TENM4: variants seen among roughly 807,000 people sequenced by gnomAD.
The protein encoded by TENM4 is teneurin transmembrane protein 4, also known as teneurin-4.
In TENM4, 82 loss-of-function variants were observed where a neutral mutation model predicts 243.3. The observed-to-expected ratio is 0.34, with a 90% CI of 0.28 to 0.40. The LOEUF (loss-of-function observed/expected upper bound fraction) is 0.40, where lower values mean the gene tolerates loss of function less well. Ranked by LOEUF, TENM4 falls within the 10% of genes least tolerant of loss-of-function variation. The pLI, the probability that TENM4 is intolerant of heterozygous loss-of-function variation, is 1.00. For synonymous variants in TENM4, 1,412 were observed against 1,456.3 expected (o/e 0.97, Z 0.69); for missense variants, 3,138 against 3,673.3 (o/e 0.85, Z 3.77).
At chr11:78,787,189 G>C in intron 15 of TENM4, 106 bp from the exon 16 acceptor site, 1 of 1,323,690 alleles carries the variant, frequency 7.6e-7, no homozygotes, top group Non-Finnish European at 1.0e-6. Flanking sequence ...TATTGAGCAA[G>C]TTATTGTTGG....
intron 30 of TENM4, among the ~76,000 whole-genome samples, chr11:78,673,999 A>G (rs1858400530): frequency 6.6e-6 from 1 of 152,214 alleles, no homozygotes; most frequent in Non-Finnish European, 1.5e-5. Context: ...GGGCACAGGA[A>G]GATACAGGGG....
chr11:79,332,001 A>G (rs1397163430), intron 1 of TENM4, among the ~76,000 whole-genome samples: 1 of 152,260 alleles, frequency 6.6e-6, no homozygotes. Flanking sequence ...TTGCATTACA[A>G]GAGGATGCTT....
chr11:78,981,592 G>T (rs775530755), intron 6 of TENM4, among the ~76,000 whole-genome samples: 1 of 152,158 alleles, frequency 6.6e-6, no homozygotes, highest in African/African-American at 2.4e-5. Flanking sequence ...TTCCCTGGAC[G>T]GGGAATCATC....
intron 2 of TENM4, among the ~76,000 whole-genome samples, chr11:79,282,255 G>A (rs1336072495): frequency 1.3e-5 from 2 of 152,296 alleles, no homozygotes; most frequent in Middle Eastern, 6.8e-3. Flanking sequence ...GGTAGCAATT[G>A]TTTGTATAGA....
At chr11:78,752,388 C>T (rs1227016706) in intron 19 of TENM4, among the ~76,000 whole-genome samples, 1 of 152,154 alleles carries the variant, frequency 6.6e-6, no homozygotes, top group Non-Finnish European at 1.5e-5. Context: ...TCCCCTCCCT[C>T]CTCTGGTCCC....
chr11:78,870,093 G>C (rs945219881), intron 9 of TENM4, among the ~76,000 whole-genome samples: 2 of 152,194 alleles, frequency 1.3e-5, no homozygotes, highest in Admixed American at 1.3e-4. Context: ...AAAGTACTTA[G>C]CCTGTCTGAA....
chr11:78,887,421 C>G (rs758322122), intron 9 of TENM4, among the ~76,000 whole-genome samples: 46 of 152,202 alleles, frequency 3.0e-4, no homozygotes, highest in Non-Finnish European at 1.3e-4. Context: ...TTCAGATTTG[C>G]CTGCTAACAT....
At position 79,383,905 on chromosome 11, in the gene TENM4, G is replaced by A. The variant is rs546002393; in HGVS notation, c.-321+56604C>T. Among the ~76,000 whole-genome samples the A allele has an allele frequency of 7.9e-5, 12 of 152,252 alleles. No homozygotes were observed. The East Asian group carries it at 1.2e-3, about 15-fold the overall frequency. On this transcript the variant is annotated intron_variant, in intron 1 of 33. Transcript: ENST00000278550. ...AGAAATGAATGTTCACATAAGGCAC[G>A]TCCCTGCCCTTCAGCACTGCCAGAA...
chr11:79,106,997 G>A (rs1055710943), intron 4 of TENM4, among the ~76,000 whole-genome samples: 17 of 152,108 alleles, frequency 1.1e-4, no homozygotes, highest in African/African-American at 2.4e-4. Context: ...GCACCTGCCC[G>A]GAACTGTTCT....
chr11:79,276,364 G>A (rs1263218680), intron 2 of TENM4, among the ~76,000 whole-genome samples: 1 of 152,240 alleles, frequency 6.6e-6, no homozygotes, highest in African/African-American at 2.4e-5. Context: ...GAAGGGCATT[G>A]TCTTCTAACC....
At chr11:79,171,781 A>C (rs548271995) in intron 3 of TENM4, among the ~76,000 whole-genome samples, 20 of 152,344 alleles carry the variant, frequency 1.3e-4, no homozygotes, top group Non-Finnish European at 1.3e-4. Context: ...TTTTGGACAA[A>C]TCTTCATTAA....
rs1860202083 is a variant in TENM4 at position 79,064,896 on chromosome 11, C to G, written c.335G>C (p.Gly112Ala). Residue 112 changes from glycine to alanine, a missense_variant, in exon 6 of 34, where the codon GGC becomes GCC. Gly to Ala is a moderately conservative substitution (Grantham distance 60, BLOSUM62 0). Around this residue, in one of 2 missense-constraint regions of TENM4, gnomAD observed 671 missense variants for 614.1 expected, o/e 1.09. Coordinates refer to ENST00000278550, the MANE Select transcript of TENM4 (RefSeq NM_001098816.3). The part of the protein sequence containing the change: ...LPHCGYSMGA[G>A]SDADMEADTV... ...GTCAGCCTCCATGTCGGCATCAGAG[C>G]CAGCCCCCATGGAGTAGCCGCAGTG... The G allele has an allele frequency of 6.5e-7, 1 of 1,549,332 alleles. No individual in the cohort carries two copies. The highest frequency in any genetic ancestry group is 8.7e-7 in the Non-Finnish European group (1 of 1,145,490).
chr11:78,803,479 G>A (rs1432380333), intron 15 of TENM4, among the ~76,000 whole-genome samples: 1 of 152,148 alleles, frequency 6.6e-6, no homozygotes, highest in Non-Finnish European at 1.5e-5. Flanking sequence ...AAAAAGATTT[G>A]AACCCAGGTC....
chr11:79,015,979 A>C (rs1208616392), intron 6 of TENM4, among the ~76,000 whole-genome samples: 1 of 152,166 alleles, frequency 6.6e-6, no homozygotes, highest in Admixed American at 6.5e-5. Flanking sequence ...GGGGAAGAGC[A>C]TATGTGTAAA....
Position 78,669,588 on chromosome 11 carries a change from A to G in TENM4, c.6757T>C (p.Tyr2253His), listed in dbSNP as rs1223763693. 7 of 1,613,906 alleles carry G rather than the reference A, an allele frequency of 4.3e-6. No homozygotes were observed. Among genetic ancestry groups the G allele is most frequent in the Non-Finnish European group, 5.1e-6 (6 of 1,179,880 alleles). The part of the protein sequence containing the change: ...DRITRLGDVQ[Y>H]KMDEDGFLRQ... ...AGGAAGCCATCCTCATCCATCTTGTATTGCACGTCACCCAGCCGAGTGATG... is the reference window on the plus strand; with the variant it reads ...AGGAAGCCATCCTCATCCATCTTGTGTTGCACGTCACCCAGCCGAGTGATG... Residue 2253 changes from tyrosine to histidine, a missense_variant, in exon 32 of 34, where the codon TAC becomes CAC. Physicochemically the swap from Tyr to His is moderately conservative, Grantham distance 83. Transcript: ENST00000278550. This position sits in a 1 kb window ranked among gnomAD's most constrained non-coding sequence, Gnocchi z 6.4.
intron 1 of TENM4, among the ~76,000 whole-genome samples, chr11:79,362,341 T>C (rs1683549352): frequency 6.6e-6 from 1 of 152,346 alleles, no homozygotes; most frequent in Non-Finnish European, 1.5e-5. Flanking sequence ...ATCAGGGAGC[T>C]AATTCTGCAA....
At chr11:78,720,717 T>C (rs1186295642) in intron 24 of TENM4, among the ~76,000 whole-genome samples, 2 of 152,200 alleles carry the variant, frequency 1.3e-5, no homozygotes, top group African/African-American at 2.4e-5. Context: ...TTCTCTCCTC[T>C]GTACAGACAC....
chr11:79,336,539 A>G (rs1857151123), intron 1 of TENM4, among the ~76,000 whole-genome samples: 1 of 152,200 alleles, frequency 6.6e-6, no homozygotes, highest in South Asian at 2.1e-4. Context: ...AGCTATTACC[A>G]CAATGCAATA....
intron 1 of TENM4, among the ~76,000 whole-genome samples, chr11:79,403,374 G>C (rs1268598762): frequency 1.3e-5 from 2 of 152,140 alleles, no homozygotes; most frequent in African/African-American, 4.8e-5. Context: ...AATGCTTTCA[G>C]GTACATTTTT....
Sources: allele counts gnomAD v4.1 joint callset (sites outside exome capture counted in the v4.1 genomes callset), GRCh38; gene constraint gnomAD v4.1.1; regional missense constraint gnomAD v4.1.1; non-coding constraint Gnocchi (gnomAD v3.1); transcripts MANE v1.5; gene names NCBI Gene and HGNC (gene_info 2026-07-23, HGNC 2026-07-21).